TLK2: variants seen among roughly 807,000 people sequenced by gnomAD.
TLK2 encodes tousled like kinase 2.
In TLK2, 6 loss-of-function variants were observed where a neutral mutation model predicts 117.3. The ratio of observed to expected loss-of-function variants is 0.05; its 90% CI spans 0.03 to 0.10. The LOEUF (loss-of-function observed/expected upper bound fraction) is 0.10, where lower values mean the gene tolerates loss of function less well. Ranked by LOEUF, TLK2 falls within the 10% of genes least tolerant of loss-of-function variation. TLK2 has a pLI of 1.00. For missense variants in TLK2, 299 were observed against 901.2 expected, an observed-to-expected ratio of 0.33 and a Z score of 8.56; for synonymous variants, 257 against 316.7, an observed-to-expected ratio of 0.81 and a Z score of 2.00.
chr17:62,606,805 T>C (rs1230696879), intron 20 of TLK2, among the ~76,000 whole-genome samples: 2 of 152,230 alleles, frequency 1.3e-5, no homozygotes. Flanking sequence ...GAACATGCCT[T>C]ATAAATGTAT....
chr17:62,477,199 A>T (rs1006620183), upstream of TLK2, among the ~76,000 whole-genome samples: 1 of 152,198 alleles, frequency 6.6e-6, no homozygotes, highest in Non-Finnish European at 1.5e-5. Context: ...GTTGCCTTGG[A>T]CCGGCTCTTA....
Position 62,479,225 on chromosome 17 carries a change from C to T in TLK2, c.-71C>T, listed in dbSNP as rs1441866295. 2 of 155,374 alleles carry T rather than the reference C, an allele frequency of 1.3e-5. No homozygotes were observed. The highest frequency in any genetic ancestry group is 4.8e-5 in the African/African-American group (2 of 41,352). 9.6% of individuals were successfully genotyped at this position (155,374 alleles called of 1,614,324 possible). On this transcript the variant is annotated 5_prime_UTR_variant, in exon 1 of 22. Coordinates refer to ENST00000346027, the MANE Select transcript of TLK2 (RefSeq NM_006852.6). ...CTGCCCAGGGGGAGAGCGGAGCGGT[C>T]CGCAGCCGGGTCGGGTCGGGGCCCC...
intron 2 of TLK2, among the ~76,000 whole-genome samples, chr17:62,484,366 A>T (rs1373163552): frequency 2.0e-5 from 3 of 151,386 alleles, no homozygotes; most frequent in Non-Finnish European, 4.4e-5. Context: ...GCGCGATCTC[A>T]GCTCACTGCA....
Position 62,612,613 on chromosome 17 carries a change from A to G in TLK2, c.*48A>G. On this transcript the variant is annotated 3_prime_UTR_variant, in exon 22 of 22. Transcript: ENST00000346027. ...TGTTCAACACACACAAAGTGGACAA[A>G]TGGCGTTCAGCAGCGGGTTTGGAAC... is the stretch of plus-strand genomic sequence containing the variant. The G allele has an allele frequency of 1.3e-6, 2 of 1,541,810 alleles. No homozygotes were observed. The highest frequency in any genetic ancestry group is 1.2e-5 in the South Asian group (1 of 83,886).
chr17:62,548,227 C>CATAT (rs760251145), intron 7 of TLK2, among the ~76,000 whole-genome samples: 16 of 132,260 alleles, frequency 1.2e-4, no homozygotes, highest in African/African-American at 4.4e-4. Context: ...ATCATTGGGC[C>CATAT]ATATATATAT....
intron 2 of TLK2, among the ~76,000 whole-genome samples, chr17:62,498,698 G>A (rs529262614): frequency 2.1e-4 from 32 of 152,056 alleles, no homozygotes; most frequent in Admixed American, 3.9e-4. Flanking sequence ...GCCAAGCCCT[G>A]TCTTTTTTAC....
At chr17:62,504,544 C>T (rs1172378925) in intron 2 of TLK2, among the ~76,000 whole-genome samples, 1 of 152,096 alleles carries the variant, frequency 6.6e-6, no homozygotes, top group African/African-American at 2.4e-5. Flanking sequence ...TGGCTCATGC[C>T]TATAATCTGT....
intron 10 of TLK2, among the ~76,000 whole-genome samples, chr17:62,564,714 A>AG (rs2079602865): frequency 1.3e-5 from 2 of 151,102 alleles, no homozygotes; most frequent in South Asian, 4.2e-4. Flanking sequence ...TCTTAAAAAA[A>AG]AAAACAAACA....
chr17:62,571,808 G>A (rs1456052410), intron 11 of TLK2, among the ~76,000 whole-genome samples: 1 of 152,132 alleles, frequency 6.6e-6, no homozygotes, highest in Non-Finnish European at 1.5e-5. Flanking sequence ...ACTGAATCTG[G>A]AAAAGATCTG....
chr17:62,585,393 C>T (rs186588220), intron 15 of TLK2, among the ~76,000 whole-genome samples: 3 of 152,292 alleles, frequency 2.0e-5, no homozygotes, highest in Admixed American at 2.0e-4. Context: ...CAAAAATTAG[C>T]CGGGCGTGAT....
chr17:62,513,702 T>G (rs557638297), intron 2 of TLK2, among the ~76,000 whole-genome samples: 14 of 152,188 alleles, frequency 9.2e-5, no homozygotes, highest in Admixed American at 3.9e-4. Flanking sequence ...TTTGTTTTGT[T>G]TTTTGGGATG....
chr17:62,571,705 C>T (rs2080305495), intron 11 of TLK2, among the ~76,000 whole-genome samples: 1 of 152,094 alleles, frequency 6.6e-6, no homozygotes, highest in African/African-American at 2.4e-5. Context: ...ACAGCATTGC[C>T]CTTCTAGATA....
At chr17:62,588,856 G>A (rs1033431241) in intron 16 of TLK2, among the ~76,000 whole-genome samples, 1 of 152,048 alleles carries the variant, frequency 6.6e-6, no homozygotes, top group Admixed American at 6.6e-5. Flanking sequence ...AGCACATAAC[G>A]GACATTGATG....
intron 11 of TLK2, among the ~76,000 whole-genome samples, chr17:62,569,114 G>A (rs1271604251): frequency 6.6e-6 from 1 of 151,026 alleles, no homozygotes; most frequent in Non-Finnish European, 1.5e-5. Context: ...AGACCAGCCT[G>A]GCCAACATGG....
At chr17:62,598,935 A>G (rs2082678495) in intron 17 of TLK2, among the ~76,000 whole-genome samples, 1 of 151,788 alleles carries the variant, frequency 6.6e-6, no homozygotes, top group South Asian at 2.1e-4. Flanking sequence ...TAAATTTCAG[A>G]CATTTCTTTT....
chr17:62,508,973 C>T (rs2074937818), intron 2 of TLK2, among the ~76,000 whole-genome samples: 1 of 152,006 alleles, frequency 6.6e-6, no homozygotes, highest in South Asian at 2.1e-4. Flanking sequence ...ATCTCAACAA[C>T]AACAACAACA....
At chr17:62,512,401 T>C (rs555005055) in intron 2 of TLK2, among the ~76,000 whole-genome samples, 1 of 151,874 alleles carries the variant, frequency 6.6e-6, no homozygotes, top group African/African-American at 2.4e-5. Flanking sequence ...TTTGTATTTT[T>C]CAGTAGAGAC....
intron 2 of TLK2, among the ~76,000 whole-genome samples, chr17:62,482,708 T>C (rs371031205): frequency 1.3e-5 from 2 of 152,150 alleles, no homozygotes; most frequent in Admixed American, 6.6e-5. Context: ...TGTCTTGGTG[T>C]TCCAAAGTGC....
At chr17:62,604,100 G>A (rs1180151122) in intron 19 of TLK2, among the ~76,000 whole-genome samples, 1 of 151,912 alleles carries the variant, frequency 6.6e-6, no homozygotes, top group African/African-American at 2.4e-5. Flanking sequence ...CGCCTCCCGA[G>A]TTCAAGTGAT....
Sources: gnomAD v4.1 joint callset for allele counts (sites outside exome capture counted in the v4.1 genomes callset) on GRCh38, gnomAD v4.1.1 for gene constraint, MANE v1.5 for transcripts, NCBI Gene and HGNC (gene_info 2026-07-23, HGNC 2026-07-21) for gene names.